The following GPC6 variants were observed in gnomAD, a reference collection of about 807,000 sequenced individuals.
GPC6 encodes glypican 6, also known as glypican-6.
In GPC6, 14 loss-of-function variants were observed where a neutral mutation model predicts 55.2. The ratio of observed to expected loss-of-function variants is 0.25; its 90% CI spans 0.17 to 0.40. The LOEUF (loss-of-function observed/expected upper bound fraction) is 0.40. GPC6 is among the 10% of genes least tolerant of loss of function. GPC6 has a pLI of 1.00. For synonymous variants in GPC6, 278 were observed against 259.6 expected (o/e 1.07, Z -0.68); for missense variants, 641 against 708.5 (o/e 0.90, Z 1.08).
At chr13:93,497,021 G>A (rs1366485694) in intron 1 of GPC6, among the ~76,000 whole-genome samples, 5 of 152,124 alleles carry the variant, frequency 3.3e-5, no homozygotes, top group Admixed American at 1.3e-4. Flanking sequence ...CTTTCGATGC[G>A]TTAATCCGAG....
At chr13:93,315,334 A>G (rs1046879678) in intron 1 of GPC6, among the ~76,000 whole-genome samples, 6 of 152,056 alleles carry the variant, frequency 3.9e-5, no homozygotes, top group African/African-American at 1.2e-4. Flanking sequence ...TGTCCTAACC[A>G]TAATTATAGC....
chr13:93,449,556 C>T (rs549819826), intron 1 of GPC6, among the ~76,000 whole-genome samples: 2 of 152,302 alleles, frequency 1.3e-5, no homozygotes, highest in East Asian at 1.9e-4. Context: ...AGGCCGGGCG[C>T]GGTGCTCACG....
intron 2 of GPC6, among the ~76,000 whole-genome samples, chr13:93,604,195 C>T (rs574044053): frequency 6.6e-6 from 1 of 152,300 alleles, no homozygotes; most frequent in African/African-American, 2.4e-5. Flanking sequence ...ATTGAAAGGA[C>T]TCAGCTGTTA....
At chr13:94,034,200 A>AGAAAGAAG (rs796156525) in intron 4 of GPC6, among the ~76,000 whole-genome samples, 4,586 of 72,566 alleles carry the variant, frequency 0.063, 117 homozygotes, top group East Asian at 0.12. Flanking sequence ...AAAGAAAGAA[A>AGAAAGAAG]GAAGGAAGGA....
At chr13:93,928,120 G>C (rs965298959) in intron 3 of GPC6, among the ~76,000 whole-genome samples, 1 of 152,258 alleles carries the variant, frequency 6.6e-6, no homozygotes, top group Non-Finnish European at 1.5e-5. Flanking sequence ...ACAAATTCCA[G>C]TGGTGGCCAG....
intron 2 of GPC6, among the ~76,000 whole-genome samples, chr13:93,664,955 T>C (rs377616399): frequency 6.6e-6 from 1 of 152,216 alleles, no homozygotes; most frequent in South Asian, 2.1e-4. Flanking sequence ...ACAGTTGTTA[T>C]TCTCAGTGTT....
intron 3 of GPC6, among the ~76,000 whole-genome samples, chr13:94,006,580 C>T (rs1253243045): frequency 6.6e-6 from 1 of 152,152 alleles, no homozygotes; most frequent in Non-Finnish European, 1.5e-5. Context: ...AACCAGGAGG[C>T]AGTCATGGGG....
chr13:93,826,740 C>T (rs1411501), intron 2 of GPC6, among the ~76,000 whole-genome samples: 95,834 of 151,954 alleles, frequency 0.63, 30,622 homozygotes, highest in African/African-American at 0.7. Context: ...TTTCAGTCCA[C>T]TTATTTGGAG....
At chr13:94,171,937 G>T (rs1888581648) in intron 4 of GPC6, among the ~76,000 whole-genome samples, 1 of 152,146 alleles carries the variant, frequency 6.6e-6, no homozygotes, top group African/African-American at 2.4e-5. Context: ...GTACAGGAGT[G>T]AAGCCCATAA....
At chr13:93,886,482 G>C (rs749908825) in intron 3 of GPC6, among the ~76,000 whole-genome samples, 45 of 151,578 alleles carry the variant, frequency 3.0e-4, no homozygotes, top group Non-Finnish European at 5.6e-4. Flanking sequence ...TCAGGCTTAA[G>C]GTAAAAAACG....
chr13:93,584,663 T>C (rs1877104444), intron 2 of GPC6, among the ~76,000 whole-genome samples: 1 of 151,446 alleles, frequency 6.6e-6, no homozygotes, highest in Non-Finnish European at 1.5e-5. Context: ...ATAATGCACG[T>C]TACCATGTTA....
chr13:94,280,276 C>G (rs1231025543), intron 4 of GPC6, among the ~76,000 whole-genome samples: 2 of 151,908 alleles, frequency 1.3e-5, no homozygotes, highest in Non-Finnish European at 2.9e-5. Flanking sequence ...TTTTTAAAAT[C>G]AGAAATAAAA....
At chr13:93,852,313 A>G (rs76991916) in intron 3 of GPC6, among the ~76,000 whole-genome samples, 13 of 151,886 alleles carry the variant, frequency 8.6e-5, no homozygotes, top group Admixed American at 7.2e-4. Flanking sequence ...TAAACTGCAT[A>G]TAAGATACAC....
At chr13:94,212,984 C>T (rs753249970) in intron 4 of GPC6, among the ~76,000 whole-genome samples, 2 of 152,124 alleles carry the variant, frequency 1.3e-5, no homozygotes, top group Non-Finnish European at 2.9e-5. Context: ...GGTGAAACCC[C>T]GTCTCTACTA....
At chr13:93,257,394 T>C (rs1293133670) in intron 1 of GPC6, among the ~76,000 whole-genome samples, 1 of 152,256 alleles carries the variant, frequency 6.6e-6, no homozygotes, top group Non-Finnish European at 1.5e-5. Flanking sequence ...TCTCTTCTCT[T>C]TTCTCTCGTT....
intron 1 of GPC6, among the ~76,000 whole-genome samples, chr13:93,405,844 G>T (rs73551001): frequency 0.012 from 1,873 of 152,272 alleles, 51 homozygotes; most frequent in African/African-American, 0.043. Context: ...CTGCTGGACG[G>T]TGGGGTGGAT....
At chr13:93,347,542 C>G (rs1880472610) in intron 1 of GPC6, among the ~76,000 whole-genome samples, 1 of 152,064 alleles carries the variant, frequency 6.6e-6, no homozygotes, top group Non-Finnish European at 1.5e-5. Context: ...TCTCCCCTTC[C>G]CCTTCCCGGG....
At chr13:94,317,624 G>T (rs1447437379) in intron 6 of GPC6, among the ~76,000 whole-genome samples, 7 of 152,204 alleles carry the variant, frequency 4.6e-5, no homozygotes, top group African/African-American at 1.7e-4. Flanking sequence ...TTTTAATGGT[G>T]AGGGCTCAAG....
At chr13:94,190,251 C>T (rs1030239332) in intron 4 of GPC6, among the ~76,000 whole-genome samples, 15 of 151,098 alleles carry the variant, frequency 9.9e-5, no homozygotes, top group African/African-American at 1.2e-4. Flanking sequence ...ACCCGGGAGG[C>T]GGAGGTTGCA....
Sources: gnomAD v4.1 joint callset for allele counts (sites outside exome capture counted in the v4.1 genomes callset) on GRCh38, gnomAD v4.1.1 for gene constraint, MANE v1.5 for transcripts, NCBI Gene and HGNC (gene_info 2026-07-23, HGNC 2026-07-21) for gene names.